Variants in ELOVL5 observed in about 807,000 individuals in gnomAD.
The protein encoded by ELOVL5 is ELOVL fatty acid elongase 5.
ELOVL5 carries 8 observed loss-of-function variants against 38.6 expected under a neutral mutation model. The observed-to-expected ratio is 0.21, with a 90% CI of 0.12 to 0.37. The LOEUF is 0.37. Ranked by LOEUF, ELOVL5 falls within the 10% of genes least tolerant of loss-of-function variation. ELOVL5 has a pLI of 1.00. For missense variants in ELOVL5, 280 were observed against 367.8 expected (o/e 0.76, Z 1.95); for synonymous variants, 127 against 133.7 (o/e 0.95, Z 0.34).
chr6:53,319,291 A>C (rs1581974215), intron 1 of ELOVL5, among the ~76,000 whole-genome samples: 1 of 39,620 alleles, frequency 2.5e-5, no homozygotes, highest in Admixed American at 2.5e-4. Context: ...AAAAAAAAAA[A>C]AAAAAAAAAA....
At chr6:53,332,321 T>G (rs78537394) in intron 1 of ELOVL5, among the ~76,000 whole-genome samples, 1 of 152,224 alleles carries the variant, frequency 6.6e-6, no homozygotes, top group Non-Finnish European at 1.5e-5. Context: ...TTCACATTAT[T>G]GGTAGGCATA....
chr6:53,270,483 G>T, intron 7 of ELOVL5, 110 bp downstream of exon 7: 1 of 1,228,024 alleles, frequency 8.1e-7, no homozygotes. Context: ...TCCATTAGAG[G>T]CCAGAGCCTG....
intron 4 of ELOVL5, 149 bp downstream of exon 4, chr6:53,276,030 G>T: frequency 1.8e-6 from 1 of 544,046 alleles, no homozygotes; most frequent in South Asian, 2.8e-5. Context: ...ATTTTAATTT[G>T]ATGTGTATAT....
intron 1 of ELOVL5, among the ~76,000 whole-genome samples, chr6:53,347,076 T>G (rs1769578825): frequency 6.6e-6 from 1 of 152,236 alleles, no homozygotes; most frequent in Non-Finnish European, 1.5e-5. Context: ...AGTTACAAGA[T>G]ATTTTTCTTG....
intron 1 of ELOVL5, among the ~76,000 whole-genome samples, chr6:53,331,166 C>CA (rs1194531092): frequency 1.3e-5 from 2 of 151,842 alleles, no homozygotes; most frequent in Admixed American, 6.6e-5. Flanking sequence ...CCCATCTCAA[C>CA]AAAAAATTTA....
At chr6:53,300,591 A>C (rs1168198813) in intron 1 of ELOVL5, among the ~76,000 whole-genome samples, 1 of 152,218 alleles carries the variant, frequency 6.6e-6, no homozygotes, top group Non-Finnish European at 1.5e-5. Flanking sequence ...AGCAAGCCAC[A>C]CATCTACCAA....
intron 1 of ELOVL5, among the ~76,000 whole-genome samples, chr6:53,306,981 A>T (rs186491541): frequency 2.9e-4 from 44 of 151,006 alleles, no homozygotes; most frequent in African/African-American, 1.0e-3. Flanking sequence ...GAAGCAAGGT[A>T]AAAAAAAATC....
At chr6:53,345,474 G>A (rs78003666) in intron 1 of ELOVL5, among the ~76,000 whole-genome samples, 412 of 80,936 alleles carry the variant, frequency 5.1e-3, no homozygotes, top group Non-Finnish European at 9.4e-3. Context: ...TTGGTCCAAG[G>A]TGTAGATTAA....
At chr6:53,288,500 C>T (rs768297444) in intron 3 of ELOVL5, among the ~76,000 whole-genome samples, 21 of 152,096 alleles carry the variant, frequency 1.4e-4, no homozygotes, top group Non-Finnish European at 2.5e-4. Flanking sequence ...TTAAAACATA[C>T]CACTAATTCA....
chr6:53,295,831 T>C (rs1001851086), intron 1 of ELOVL5, 124 bp from the exon 2 acceptor site: 2 of 583,044 alleles, frequency 3.4e-6, no homozygotes, highest in Non-Finnish European at 5.7e-6. Context: ...TTCAGTTCCT[T>C]AGGTTAAAAG....
chr6:53,279,867 C>A lies in ELOVL5; in HGVS notation c.247-3611G>T, dbSNP rs184742043. ...TTCACCTAAGACCCTCATCAAACCT[C>A]CATAAAATGGGCTAGCAGTAGAGGG... On this transcript the variant is annotated intron_variant, in intron 3 of 7. Transcript: ENST00000304434. 1.8e-3 allele frequency among the ~76,000 whole-genome samples: 278 copies of A among 152,300 alleles called. 7 individuals are homozygous for A. The highest frequency in any genetic ancestry group is 2.0e-3 in the Non-Finnish European group (134 of 68,026).
chr6:53,270,462 G>A (rs1765877799), intron 7 of ELOVL5, 131 bp downstream of exon 7: 2 of 958,042 alleles, frequency 2.1e-6, no homozygotes, highest in Admixed American at 2.4e-5. Flanking sequence ...GGCTGCTCTT[G>A]TCATAGTGAC....
At chr6:53,303,289 C>A (rs1767333855) in intron 1 of ELOVL5, among the ~76,000 whole-genome samples, 1 of 152,180 alleles carries the variant, frequency 6.6e-6, no homozygotes, top group South Asian at 2.1e-4. Flanking sequence ...AACTTGACGA[C>A]AGAATTCATG....
At chr6:53,307,878 C>T (rs1015980268) in intron 1 of ELOVL5, among the ~76,000 whole-genome samples, 14 of 152,126 alleles carry the variant, frequency 9.2e-5, no homozygotes, top group Admixed American at 5.2e-4. Context: ...TATTCATTTA[C>T]CATAACTGAA....
intron 3 of ELOVL5, among the ~76,000 whole-genome samples, chr6:53,288,991 G>A (rs766559935): frequency 1.4e-4 from 22 of 152,166 alleles, no homozygotes; most frequent in African/African-American, 2.4e-4. Context: ...GTTGAGCCCA[G>A]GAGGCGAGAA....
In ELOVL5 at chr6:53,300,182, C is replaced by T. The variant is rs766668300; in HGVS notation, c.-8-4475G>A. On this transcript the variant is annotated intron_variant, in intron 1 of 7. Coordinates refer to ENST00000304434, the MANE Select transcript of ELOVL5 (RefSeq NM_021814.5). The stretch of plus-strand genomic sequence containing the variant: ...ACAATTGGATATATACTGTAATCTT[C>T]TCAGGCAAGGCTGTTTGTTTCTGCA... 2.0e-5 allele frequency among the ~76,000 whole-genome samples: 3 copies of T among 152,156 alleles called. No homozygotes were observed. The South Asian group carries it at 6.2e-4, about 32-fold the overall frequency.
intron 5 of ELOVL5, among the ~76,000 whole-genome samples, chr6:53,273,811 G>T (rs1473713169): frequency 6.6e-6 from 1 of 152,206 alleles, no homozygotes; most frequent in Non-Finnish European, 1.5e-5. Context: ...TATTTCCCAG[G>T]ACTGCAGTGC....
At chr6:53,288,837 G>T (rs1036695526) in intron 3 of ELOVL5, among the ~76,000 whole-genome samples, 2 of 152,176 alleles carry the variant, frequency 1.3e-5, no homozygotes, top group East Asian at 3.9e-4. Flanking sequence ...AGGCAGAGGT[G>T]GGTGGATTGC....
chr6:53,334,851 G>A (rs1265489326), intron 1 of ELOVL5, among the ~76,000 whole-genome samples: 1 of 152,076 alleles, frequency 6.6e-6, no homozygotes, highest in Non-Finnish European at 1.5e-5. Flanking sequence ...TCCTCCCTCT[G>A]CAATGGACAC....
Sources: allele counts gnomAD v4.1 joint callset (sites outside exome capture counted in the v4.1 genomes callset), GRCh38; gene constraint gnomAD v4.1.1; transcripts MANE v1.5; gene names NCBI Gene and HGNC (gene_info 2026-07-23, HGNC 2026-07-21).